COMMD1: variants seen among roughly 807,000 people sequenced by gnomAD.
COMMD1 encodes COMM domain-containing protein 1.
In COMMD1, 10 loss-of-function variants were observed where a neutral mutation model predicts 17.2. The ratio of observed to expected loss-of-function variants is 0.58; its 90% confidence interval spans 0.36 to 0.99. COMMD1 has a LOEUF of 0.99. Among genes scored for constraint, COMMD1 ranks in the 50% least tolerant of loss-of-function variants. The pLI is 0.01. For missense variants in COMMD1, 270 were observed against 231.8 expected (o/e 1.17, Z -1.07); for synonymous variants, 97 against 91.6 (o/e 1.06, Z -0.34).
intron 1 of COMMD1, among the ~76,000 whole-genome samples, chr2:61,981,074 A>C (rs1278331611): frequency 6.6e-6 from 1 of 152,008 alleles, no homozygotes; most frequent in Non-Finnish European, 1.5e-5. Flanking sequence ...TGGATAGTTT[A>C]CAAATATTTT....
At chr2:62,124,063 G>T (rs1558609450) in intron 2 of COMMD1, among the ~76,000 whole-genome samples, 1 of 152,200 alleles carries the variant, frequency 6.6e-6, no homozygotes, top group Non-Finnish European at 1.5e-5. Context: ...ACTTTGGGAG[G>T]CCAAGGTGGG....
upstream of COMMD1, chr2:61,905,640 G>C: frequency 6.7e-7 from 1 of 1,500,822 alleles, no homozygotes; most frequent in African/African-American, 1.4e-5. Flanking sequence ...CCGTGGCGGG[G>C]CACGGCTCAG....
intron 2 of COMMD1, among the ~76,000 whole-genome samples, chr2:62,130,770 A>C (rs980100935): frequency 5.3e-5 from 8 of 152,218 alleles, no homozygotes; most frequent in African/African-American, 1.9e-4. Flanking sequence ...TTGCAGAAGA[A>C]TTGCTCAGAA....
At chr2:62,081,037 TA>T (rs1671501882) in intron 2 of COMMD1, among the ~76,000 whole-genome samples, 1 of 152,138 alleles carries the variant, frequency 6.6e-6, no homozygotes, top group African/African-American at 2.4e-5. Context: ...ATTCTATATG[TA>T]TATATACCCT....
At chr2:62,036,054 TCACACACACACA>T (rs70946776) in intron 2 of COMMD1, among the ~76,000 whole-genome samples, 9 of 143,396 alleles carry the variant, frequency 6.3e-5, no homozygotes, top group South Asian at 2.3e-4. Context: ...ACCCTGTCTC[TCACACACACACA>T]CACACACACA....
intron 2 of COMMD1, among the ~76,000 whole-genome samples, chr2:62,070,807 A>G (rs1194653076): frequency 1.3e-5 from 2 of 152,228 alleles, no homozygotes; most frequent in Non-Finnish European, 2.9e-5. Context: ...AGGCGTGCAG[A>G]TCAGTTGAGG....
In COMMD1 at chr2:62,034,418, C is replaced by T. The variant is rs371355034; in HGVS notation, c.462+33436C>T. ...GGGAAGCTGAGGCATTGCTTGAACC[C>T]GGGAGGCAGAGGTTGCAGTGAGCCA... is the stretch of plus-strand genomic sequence containing the variant. On this transcript the variant is annotated intron_variant, in intron 2 of 2. Coordinates refer to ENST00000311832, the MANE Select transcript of COMMD1 (RefSeq NM_152516.4). Among the ~76,000 whole-genome samples the T allele has an allele frequency of 3.0e-4, 45 of 152,144 alleles. 1 individual carries two copies. The highest frequency in any genetic ancestry group is 1.1e-3 in the African/African-American group (44 of 41,494).
intron 2 of COMMD1, among the ~76,000 whole-genome samples, chr2:62,075,483 T>C (rs1227987180): frequency 1.3e-5 from 2 of 152,190 alleles, no homozygotes; most frequent in South Asian, 2.1e-4. Context: ...CCATCTATAA[T>C]GTATCACCCT....
chr2:62,049,515 G>A (rs1294849992), intron 2 of COMMD1, among the ~76,000 whole-genome samples: 1 of 152,110 alleles, frequency 6.6e-6, no homozygotes, highest in East Asian at 1.9e-4. Context: ...CAGGGATGCT[G>A]CTAAACCTCC....
intron 2 of COMMD1, among the ~76,000 whole-genome samples, chr2:62,066,246 C>T (rs1275972161): frequency 4.6e-5 from 7 of 151,692 alleles, no homozygotes; most frequent in South Asian, 2.1e-4. Context: ...TTTTTTCCCC[C>T]ACTACTGTGC....
intron 2 of COMMD1, among the ~76,000 whole-genome samples, chr2:62,024,601 A>G (rs1669703444): frequency 6.6e-6 from 1 of 152,232 alleles, no homozygotes; most frequent in South Asian, 2.1e-4. Flanking sequence ...ATTAAAAGTT[A>G]CACAAGACCT....
chr2:62,108,573 C>T (rs1458752707), intron 2 of COMMD1, among the ~76,000 whole-genome samples: 1 of 152,006 alleles, frequency 6.6e-6, no homozygotes, highest in Admixed American at 6.6e-5. Context: ...TCTCTCTTGC[C>T]ATCTATGGGC....
At chr2:62,045,952 G>C (rs192494545) in intron 2 of COMMD1, among the ~76,000 whole-genome samples, 45 of 152,070 alleles carry the variant, frequency 3.0e-4, no homozygotes, top group African/African-American at 1.1e-3. Context: ...GGCCAGGCTG[G>C]TCTCAAACTC....
At chr2:61,896,198 T>C (rs1181876982) in intron 1 of COMMD1, among the ~76,000 whole-genome samples, 1 of 152,228 alleles carries the variant, frequency 6.6e-6, no homozygotes, top group Non-Finnish European at 1.5e-5. Flanking sequence ...CCAAAATTCA[T>C]GTGTTGGAAA....
At chr2:61,952,602 C>T (rs192676789) in intron 1 of COMMD1, among the ~76,000 whole-genome samples, 1 of 152,328 alleles carries the variant, frequency 6.6e-6, no homozygotes, top group Non-Finnish European at 1.5e-5. Context: ...AGCACTCATT[C>T]TCCAGCCCCC....
At chr2:62,040,802 C>T (rs1670170280) in intron 2 of COMMD1, among the ~76,000 whole-genome samples, 1 of 152,130 alleles carries the variant, frequency 6.6e-6, no homozygotes, top group African/African-American at 2.4e-5. Flanking sequence ...CTTCTGCCTC[C>T]TGGGTTCAAG....
At chr2:61,970,480 C>G (rs2103721836) in intron 1 of COMMD1, among the ~76,000 whole-genome samples, 1 of 152,142 alleles carries the variant, frequency 6.6e-6, no homozygotes, top group Middle Eastern at 3.4e-3. Context: ...TTTAAATAAT[C>G]TCTAGATTAC....
intron 2 of COMMD1, among the ~76,000 whole-genome samples, chr2:62,026,851 A>G (rs1669771321): frequency 6.6e-6 from 1 of 152,120 alleles, no homozygotes; most frequent in Non-Finnish European, 1.5e-5. Flanking sequence ...AAGATAATAT[A>G]TATTATGTGT....
In COMMD1 at chr2:61,973,714, TCA is replaced by T. The variant is rs72021922; in HGVS notation, c.181-26986_181-26985del. On this transcript the variant is annotated intron_variant, in intron 1 of 2. Coordinates refer to ENST00000311832, the MANE Select transcript of COMMD1 (RefSeq NM_152516.4). ...CAGTAGTATTTTGCTTTTCAAAATCTCAGTCTTTGATCTGAATTTAAAGAATA... is the reference window on the plus strand; with the variant it reads ...CAGTAGTATTTTGCTTTTCAAAATCTGTCTTTGATCTGAATTTAAAGAATA... Among the ~76,000 whole-genome samples the T allele has an allele frequency of 8.2e-3, 1,253 of 152,376 alleles. 21 individuals are homozygous for T. Among genetic ancestry groups the T allele is most frequent in the African/African-American group, 0.027 (1,135 of 41,590 alleles).
Sources: allele counts gnomAD v4.1 joint callset (sites outside exome capture counted in the v4.1 genomes callset), GRCh38; gene constraint gnomAD v4.1.1; transcripts MANE v1.5; gene names NCBI Gene and HGNC (gene_info 2026-07-23, HGNC 2026-07-21).